The following SMG1 variants were observed in gnomAD, a reference collection of about 807,000 sequenced individuals.
The protein encoded by SMG1 is serine/threonine-protein kinase SMG1.
A neutral mutation model predicts 419.9 loss-of-function variants in SMG1; 22 were observed. The ratio of observed to expected loss-of-function variants is 0.05; its 90% CI spans 0.04 to 0.07. The LOEUF (loss-of-function observed/expected upper bound fraction) is 0.07. SMG1 is among the 10% of genes least tolerant of loss of function. SMG1 has a pLI of 1.00. For synonymous variants in SMG1, 1,538 were observed against 1,553.5 expected (o/e 0.99, Z 0.23); for missense variants, 3,185 against 4,342.0 (o/e 0.73, Z 7.49).
At chr16:18,896,500 G>C (rs2037133802) in intron 2 of SMG1, among the ~76,000 whole-genome samples, 3 of 152,166 alleles carry the variant, frequency 2.0e-5, no homozygotes, top group South Asian at 4.1e-4. Context: ...AGAGATAGTA[G>C]CCAAGAGGAA....
At chr16:18,913,576 A>G (rs1037529704) in intron 1 of SMG1, among the ~76,000 whole-genome samples, 2 of 152,070 alleles carry the variant, frequency 1.3e-5, no homozygotes, top group Non-Finnish European at 2.9e-5. Context: ...AGACATATTC[A>G]TTAGTGGAGC....
At chr16:18,897,088 T>C in intron 1 of SMG1, 132 bp from the exon 2 acceptor site, 2 of 611,710 alleles carry the variant, frequency 3.3e-6, no homozygotes, top group Non-Finnish European at 2.8e-6. Flanking sequence ...ATATATTATA[T>C]GTAAGCACTC....
chr16:18,910,201 G>A (rs1038410448), intron 1 of SMG1, among the ~76,000 whole-genome samples: 1 of 151,284 alleles, frequency 6.6e-6, no homozygotes, highest in Non-Finnish European at 1.5e-5. Flanking sequence ...CAAGTAGGTG[G>A]GACTAGAAAC....
chr16:18,885,412 T>C, intron 7 of SMG1, 129 bp downstream of exon 7: 2 of 1,227,288 alleles, frequency 1.6e-6, no homozygotes, highest in Non-Finnish European at 2.4e-6. Context: ...TATTTAACCC[T>C]GGAACCTCAA....
chr16:18,900,297 T>G lies in SMG1; in HGVS notation c.93-3341A>C, dbSNP rs1596627145. ...TGTTAACTGTAACATACAAATCACATGCAAATATAGTTACCACTTATTTTA... is the reference window on the plus strand; with the variant it reads ...TGTTAACTGTAACATACAAATCACAGGCAAATATAGTTACCACTTATTTTA... On this transcript the variant is annotated intron_variant, in intron 1 of 62. Coordinates refer to ENST00000446231, the MANE Select transcript of SMG1 (RefSeq NM_015092.5). Among the ~76,000 whole-genome samples, 2 of 152,292 alleles carry G rather than the reference T, an allele frequency of 1.3e-5. 1 individual carries two copies. Among genetic ancestry groups the G allele is most frequent in the Non-Finnish European group, 2.9e-5 (2 of 68,022 alleles).
At chr16:18,897,652 C>CTAAT (rs5816015) in intron 1 of SMG1, among the ~76,000 whole-genome samples, 13,470 of 152,026 alleles carry the variant, frequency 0.089, 732 homozygotes, top group African/African-American at 0.16. Context: ...ATACCTGATG[C>CTAAT]TTATTAGTAA....
In SMG1 at chr16:18,829,587, G is replaced by A. The variant is rs1288930569; in HGVS notation, c.9302C>T (p.Ala3101Val). 1.2e-6 allele frequency: 2 copies of A among 1,613,868 alleles called. No individual in the cohort carries two copies. ...RQLLIGLPNQ[A>V]LGLTLCSFIS... ...AAAACTGCACAGTGTGAGTCCGAGG[G>A]CTTGGTTGGGTAGCCCTATCAAGAG... The change falls in exon 54 of 63, where the codon GCC (alanine) becomes GTC (valine). Residue 3101 changes from alanine (A) to valine (V), a missense_variant. Transcript: ENST00000446231.
rs1316927668 is a variant in SMG1, at chr16:18,806,746, G to C, written c.*2823C>G. 1.3e-5 allele frequency: 2 copies of C among 152,208 alleles called. No individual in the cohort carries two copies. Among genetic ancestry groups the C allele is most frequent in the Admixed American group, 1.3e-4 (2 of 15,256 alleles). The allele number at this position is 152,208 out of a possible 1,614,324, so 9.4% of individuals were successfully genotyped here. A position where few individuals can be genotyped will look rare whatever the true frequency, so the allele number is the denominator to read the frequency against. On this transcript the variant is annotated 3_prime_UTR_variant, in exon 63 of 63. Coordinates refer to ENST00000446231, the MANE Select transcript of SMG1 (RefSeq NM_015092.5). Reference sequence around the variant, plus strand: ...GTGGAGGAGAGGGGGAGGCGACAGAGGAATGGAGGGAAAGGGGGAGGCAAG... The same window carrying C: ...GTGGAGGAGAGGGGGAGGCGACAGACGAATGGAGGGAAAGGGGGAGGCAAG...
intron 9 of SMG1, among the ~76,000 whole-genome samples, chr16:18,882,617 T>C (rs1245191127): frequency 6.6e-6 from 1 of 152,208 alleles, no homozygotes; most frequent in Non-Finnish European, 1.5e-5. Flanking sequence ...TTCTAGCACA[T>C]ATGCTCTAGT....
intron 41 of SMG1, 64 bp from the exon 42 acceptor site, chr16:18,840,010 T>A: frequency 7.7e-7 from 1 of 1,307,186 alleles, no homozygotes. Context: ...AAAGAGTGCC[T>A]TTTGTATGTA....
intron 15 of SMG1, 70 bp from the exon 16 acceptor site, chr16:18,871,552 T>C: frequency 1.6e-6 from 1 of 628,052 alleles, no homozygotes; most frequent in South Asian, 2.8e-5. Flanking sequence ...AAAAGCCTAG[T>C]CTTCTTACAT....
chr16:18,827,982 T>G, intron 55 of SMG1, 49 bp downstream of exon 55: 1 of 1,572,750 alleles, frequency 6.4e-7, no homozygotes, highest in Non-Finnish European at 8.7e-7. Context: ...ATAGTATTGG[T>G]TATTTCTAAA....
chr16:18,888,164 C>CAGAAA (rs2036718966), intron 6 of SMG1, among the ~76,000 whole-genome samples: 1 of 41,212 alleles, frequency 2.4e-5, no homozygotes, highest in Non-Finnish European at 4.8e-5. Flanking sequence ...GACTCTGCAT[C>CAGAAA]AAAAAAAAAA....
At chr16:18,858,135 T>C in intron 29 of SMG1, 35 bp downstream of exon 29, 1 of 1,520,696 alleles carries the variant, frequency 6.6e-7, no homozygotes, top group Non-Finnish European at 8.8e-7. Flanking sequence ...AAGAACACCT[T>C]TAATTTTCTC....
intron 57 of SMG1, among the ~76,000 whole-genome samples, chr16:18,816,839 G>A (rs1196652282): frequency 1.3e-5 from 2 of 152,118 alleles, no homozygotes; most frequent in African/African-American, 2.4e-5. Flanking sequence ...ATAACTCTTC[G>A]AGATGAAATG....
chr16:18,840,331 A>G (rs2033842689), intron 41 of SMG1, among the ~76,000 whole-genome samples: 2 of 152,264 alleles, frequency 1.3e-5, no homozygotes, highest in Non-Finnish European at 1.5e-5. Context: ...AAAATTAACA[A>G]CAGAAATTCA....
At chr16:18,818,757 A>G (rs1422641103) in intron 56 of SMG1, among the ~76,000 whole-genome samples, 2 of 133,814 alleles carry the variant, frequency 1.5e-5, no homozygotes, top group African/African-American at 5.1e-5. Context: ...AATGTCCGTA[A>G]TAGTTTTTTT....
In SMG1 at chr16:18,834,829, T is replaced by C; in HGVS notation, c.8330+63A>G. Reference sequence around the variant, plus strand: ...CAAGACTAAGGAAAGTAAAAGAACATTTTAGGTTTGGGATTAAAAATAAGA... The same window carrying C: ...CAAGACTAAGGAAAGTAAAAGAACACTTTAGGTTTGGGATTAAAAATAAGA... On this transcript the variant is annotated intron_variant, in intron 49 of 62. Coordinates refer to ENST00000446231, the MANE Select transcript of SMG1 (RefSeq NM_015092.5). 2.0e-6 allele frequency: 3 copies of C among 1,529,604 alleles called. No individual in the cohort carries two copies. The Admixed American group carries it at 5.4e-5, about 28-fold the overall frequency. The allele number at this position is 1,529,604 out of a possible 1,614,324, so 94.8% of individuals were successfully genotyped here. A position where few individuals can be genotyped will look rare whatever the true frequency, so the allele number is the denominator to read the frequency against.
rs564143894 is a variant in SMG1 at position 18,904,939 on chromosome 16, CAAT to C, written c.93-7986_93-7984del. 3.8e-4 allele frequency among the ~76,000 whole-genome samples: 58 copies of C among 150,742 alleles called. 1 individual carries two copies. The highest frequency in any genetic ancestry group is 6.5e-4 in the Non-Finnish European group (44 of 67,698). On this transcript the variant is annotated intron_variant, in intron 1 of 62. Coordinates refer to ENST00000446231, the MANE Select transcript of SMG1 (RefSeq NM_015092.5). ...AACAGAGAGACTCCATCTCAAAAAA[CAAT>C]AATAATAATAAAATAAATCTAAAAA...
Sources: gnomAD v4.1 joint callset for allele counts (sites outside exome capture counted in the v4.1 genomes callset) on GRCh38, gnomAD v4.1.1 for gene constraint, MANE v1.5 for transcripts, NCBI Gene and HGNC (gene_info 2026-07-23, HGNC 2026-07-21) for gene names.